DDX1: variants seen among roughly 807,000 people sequenced by gnomAD.
DDX1 encodes the protein DEAD-box helicase 1.
A neutral mutation model predicts 108.7 loss-of-function variants in DDX1; 28 were observed. That is an observed-to-expected ratio of 0.26 (90% CI 0.19 to 0.35). The LOEUF (loss-of-function observed/expected upper bound fraction) is 0.35, where lower values mean the gene tolerates loss of function less well. Among genes scored for constraint, DDX1 ranks in the 10% least tolerant of loss-of-function variants. DDX1 has a pLI of 1.00. For missense variants in DDX1, 710 were observed against 884.5 expected (o/e 0.80, Z 2.50); for synonymous variants, 295 against 288.9 (o/e 1.02, Z -0.21).
chr2:15,625,457 A>G (rs932865480), intron 19 of DDX1, among the ~76,000 whole-genome samples: 4 of 152,110 alleles, frequency 2.6e-5, no homozygotes, highest in African/African-American at 9.7e-5. Context: ...AAACTAAACA[A>G]ATATTGAATT....
At position 15,620,341 on chromosome 2, in the gene DDX1, C is replaced by T; in HGVS notation, c.1340C>T (p.Pro447Leu). 1 of 1,613,952 alleles carries T rather than the reference C, an allele frequency of 6.2e-7. No individual in the cohort carries two copies. Among genetic ancestry groups the T allele is most frequent in the Non-Finnish European group, 8.5e-7 (1 of 1,179,952 alleles). The change falls in exon 17 of 26, where the codon CCA (proline) becomes CTA (leucine). Residue 447 changes from proline to leucine, a missense_variant. This residue lies in a region of DDX1 where 661 missense variants were observed against 810.2 expected (regional missense o/e 0.82). Coordinates refer to ENST00000233084, the MANE Select transcript of DDX1 (RefSeq NM_004939.3). ...GATACTGTACACCATGTTGTTGTCC[C>T]AGTAAATCCCAAAACTGACAGACTC... ...VPDTVHHVVVPVNPKTDRLWE... is the reference protein window; with the variant it reads ...VPDTVHHVVVLVNPKTDRLWE...
In DDX1 at chr2:15,624,120, C is replaced by T. The variant is rs559300636; in HGVS notation, c.1594+538C>T. ...TTGGACTGGATGAAATCTAGCAATA[C>T]GCTGTTTACATGGAGCATACCCAAA... On this transcript the variant is annotated intron_variant, in intron 19 of 25. Coordinates refer to ENST00000233084, the MANE Select transcript of DDX1 (RefSeq NM_004939.3). Among the ~76,000 whole-genome samples the T allele has an allele frequency of 2.5e-4, 38 of 152,128 alleles. No individual in the cohort carries two copies. The East Asian group carries it at 5.4e-3, about 22-fold the overall frequency.
intron 13 of DDX1, among the ~76,000 whole-genome samples, chr2:15,610,033 C>T (rs923504388): frequency 2.0e-5 from 3 of 152,162 alleles, no homozygotes; most frequent in Non-Finnish European, 2.9e-5. Flanking sequence ...CTCTAGGGCT[C>T]AAGCAATCCT....
Position 15,630,819 on chromosome 2 carries a change from T to G in DDX1, c.2136T>G (p.Val712=), listed in dbSNP as rs1666182966. The G allele has an allele frequency of 6.2e-7, 1 of 1,613,988 alleles. No individual in the cohort carries two copies. The highest frequency in any genetic ancestry group is 1.1e-5 in the South Asian group (1 of 91,084). ...KGHVDILAPT[V]QELAALEKEA... is the part of the protein sequence containing the mutation. ...ATGTGGATATTTTGGCACCTACTGT[T>G]CAAGAGTTGGCTGCCCTTGAAAAGG... is the stretch of plus-strand genomic sequence containing the variant. Residue 712 remains valine, a synonymous_variant, in exon 26 of 26, where the codon GTT becomes GTG. Transcript: ENST00000233084.
intron 9 of DDX1, among the ~76,000 whole-genome samples, 166 bp downstream of exon 9, chr2:15,604,056 A>G (rs1378883286): frequency 6.6e-6 from 1 of 152,236 alleles, no homozygotes; most frequent in East Asian, 1.9e-4. Context: ...AATATTGTCA[A>G]GCTAGATAAA....
intron 17 of DDX1, among the ~76,000 whole-genome samples, chr2:15,620,857 T>C (rs931518595): frequency 3.3e-5 from 5 of 152,142 alleles, no homozygotes; most frequent in Non-Finnish European, 7.4e-5. Context: ...ATTATTATTA[T>C]TACCTTTAAA....
intron 1 of DDX1, among the ~76,000 whole-genome samples, chr2:15,592,539 C>A (rs941700399): frequency 6.6e-6 from 1 of 152,130 alleles, no homozygotes; most frequent in Admixed American, 6.5e-5. Context: ...CATTAACGTA[C>A]GCACCAGTCC....
At chr2:15,602,696 T>TGGGG in intron 7 of DDX1, 65 bp downstream of exon 7, 5 of 1,213,020 alleles carry the variant, frequency 4.1e-6, no homozygotes, top group Non-Finnish European at 6.1e-6. Context: ...TGAGGGTTTT[T>TGGGG]TTGTTGTTGT....
intron 14 of DDX1, among the ~76,000 whole-genome samples, chr2:15,616,534 C>T (rs1247987692): frequency 6.6e-6 from 1 of 152,168 alleles, no homozygotes; most frequent in Non-Finnish European, 1.5e-5. Context: ...CTGTTCTCTT[C>T]TATGTATGTT....
intron 20 of DDX1, among the ~76,000 whole-genome samples, chr2:15,627,751 G>T (rs1666124852): frequency 6.6e-6 from 1 of 152,184 alleles, no homozygotes; most frequent in East Asian, 1.9e-4. Flanking sequence ...TAAGAAAAAA[G>T]ATGGGAAGTA....
intron 6 of DDX1, among the ~76,000 whole-genome samples, chr2:15,601,638 C>T (rs770933293): frequency 2.0e-5 from 3 of 152,148 alleles, no homozygotes; most frequent in African/African-American, 7.2e-5. Flanking sequence ...CTTCAGGAAC[C>T]GTCATGTGTT....
chr2:15,617,007 A>G (rs746690557), intron 14 of DDX1, among the ~76,000 whole-genome samples: 22 of 152,176 alleles, frequency 1.4e-4, no homozygotes, highest in African/African-American at 2.7e-4. Context: ...ATTAGAATGT[A>G]TATCAGTTAA....
intron 16 of DDX1, 58 bp from the exon 17 acceptor site, chr2:15,620,150 G>A: frequency 2.1e-6 from 3 of 1,451,926 alleles, no homozygotes; most frequent in Non-Finnish European, 2.9e-6. Flanking sequence ...CAGTGTTTGT[G>A]TGATTTATTA....
chr2:15,599,320 T>C (rs936172921), intron 5 of DDX1, among the ~76,000 whole-genome samples: 3 of 151,876 alleles, frequency 2.0e-5, no homozygotes, highest in Non-Finnish European at 4.4e-5. Context: ...TATTTATTTA[T>C]TTTTGAGATG....
At chr2:15,627,362 A>T in intron 20 of DDX1, 1 of 332,846 alleles carries the variant, frequency 3.0e-6, no homozygotes, top group Non-Finnish European at 5.5e-6. Context: ...CTACTATAAC[A>T]GGAATTTTCA....
intron 14 of DDX1, among the ~76,000 whole-genome samples, chr2:15,615,463 G>A (rs1665878143): frequency 6.6e-6 from 1 of 152,222 alleles, no homozygotes; most frequent in Non-Finnish European, 1.5e-5. Context: ...TACAGCACCT[G>A]TCTCAGTGTT....
chr2:15,627,008 G>A (rs1340554084), intron 19 of DDX1, 46 bp from the exon 20 acceptor site: 4 of 1,291,206 alleles, frequency 3.1e-6, no homozygotes, highest in Admixed American at 1.9e-5. Context: ...CATAGTCTTA[G>A]GCAGAAGATT....
chr2:15,624,482 G>A (rs1345914652), intron 19 of DDX1, among the ~76,000 whole-genome samples: 1 of 152,134 alleles, frequency 6.6e-6, no homozygotes, highest in African/African-American at 2.4e-5. Flanking sequence ...AAGCAAACAC[G>A]TCCTTCTTTA....
chr2:15,630,699 T>C (rs1388441301), intron 25 of DDX1, 77 bp from the exon 26 acceptor site: 8 of 1,496,378 alleles, frequency 5.3e-6, no homozygotes, highest in Non-Finnish European at 6.4e-6. Flanking sequence ...TAAAGTGATA[T>C]AATTGAGCCA....
Sources: gnomAD v4.1 joint callset for allele counts (sites outside exome capture counted in the v4.1 genomes callset) on GRCh38, gnomAD v4.1.1 for gene constraint, gnomAD v4.1.1 regional missense constraint, MANE v1.5 for transcripts, NCBI Gene and HGNC (gene_info 2026-07-23, HGNC 2026-07-21) for gene names.